Variants in TBC1D12 observed in about 807,000 individuals in gnomAD.
TBC1D12 encodes TBC1 domain family, member 12.
In TBC1D12, 56 loss-of-function variants were observed where a neutral mutation model predicts 86.7. The ratio of observed to expected loss-of-function variants is 0.65; its 90% CI spans 0.52 to 0.81. The LOEUF (loss-of-function observed/expected upper bound fraction) is 0.81, where lower values mean the gene tolerates loss of function less well. TBC1D12 is among the 30% of genes least tolerant of loss of function. The pLI is 0.00. For synonymous variants in TBC1D12, 421 were observed against 411.7 expected, an observed-to-expected ratio of 1.02 and a Z score of -0.27; for missense variants, 1,023 against 1,038.8, an observed-to-expected ratio of 0.98 and a Z score of 0.21.
At chr10:94,410,299 C>T (rs1439421908) in intron 1 of TBC1D12, among the ~76,000 whole-genome samples, 1 of 152,150 alleles carries the variant, frequency 6.6e-6, no homozygotes, top group African/African-American at 2.4e-5. Context: ...GCAGTATTTA[C>T]AAGATTTAAA....
At chr10:94,477,218 C>T (rs1313966552) in intron 3 of TBC1D12, among the ~76,000 whole-genome samples, 1 of 152,042 alleles carries the variant, frequency 6.6e-6, no homozygotes, top group African/African-American at 2.4e-5. Context: ...TCTAGTGTTC[C>T]ACCCAACACT....
intron 9 of TBC1D12, among the ~76,000 whole-genome samples, chr10:94,515,035 G>T (rs1251893491): frequency 4.8e-5 from 7 of 147,224 alleles, no homozygotes; most frequent in African/African-American, 1.2e-4. Context: ...AGCCTCCCAA[G>T]TAGCTGGGAC....
At chr10:94,482,555 A>G (rs937801709) in intron 3 of TBC1D12, among the ~76,000 whole-genome samples, 4 of 151,814 alleles carry the variant, frequency 2.6e-5, no homozygotes, top group African/African-American at 7.3e-5. Context: ...GGTTCAAGCA[A>G]TTCTCCTGCC....
chr10:94,531,893 T>TATGTC (rs1842441879), intron 12 of TBC1D12, among the ~76,000 whole-genome samples: 1 of 151,380 alleles, frequency 6.6e-6, no homozygotes. Flanking sequence ...TATGTTATGT[T>TATGTC]ATGTTATGTT....
chr10:94,480,298 A>G (rs902921213), intron 3 of TBC1D12, among the ~76,000 whole-genome samples: 3 of 152,164 alleles, frequency 2.0e-5, no homozygotes, highest in African/African-American at 7.2e-5. Flanking sequence ...CCTCATTCAA[A>G]GGATTCTGGG....
intron 2 of TBC1D12, among the ~76,000 whole-genome samples, chr10:94,443,907 C>G (rs997199522): frequency 6.6e-6 from 1 of 152,122 alleles, no homozygotes; most frequent in Non-Finnish European, 1.5e-5. Flanking sequence ...TAGTGGCTCA[C>G]GCCTGTAATC....
intron 1 of TBC1D12, among the ~76,000 whole-genome samples, chr10:94,409,058 T>C (rs1176094286): frequency 2.0e-5 from 3 of 152,196 alleles, no homozygotes; most frequent in Non-Finnish European, 2.9e-5. Flanking sequence ...ACCATTATGT[T>C]AAATTGGGGA....
intron 6 of TBC1D12, among the ~76,000 whole-genome samples, chr10:94,505,895 A>T (rs1357180317): frequency 6.6e-6 from 1 of 152,102 alleles, no homozygotes; most frequent in Non-Finnish European, 1.5e-5. Flanking sequence ...TTGCCACTTT[A>T]ATTTTTTTAA....
At chr10:94,469,669 C>T (rs543298653) in intron 2 of TBC1D12, among the ~76,000 whole-genome samples, 2 of 152,126 alleles carry the variant, frequency 1.3e-5, no homozygotes, top group East Asian at 1.9e-4. Flanking sequence ...AGGCTGGTCT[C>T]GAACTCCTGA....
chr10:94,468,432 G>A (rs1312831654), intron 2 of TBC1D12, among the ~76,000 whole-genome samples: 1 of 152,080 alleles, frequency 6.6e-6, no homozygotes, highest in Non-Finnish European at 1.5e-5. Flanking sequence ...ACTTATGAAA[G>A]ATATTTCCTC....
intron 1 of TBC1D12, among the ~76,000 whole-genome samples, chr10:94,413,905 T>C (rs1000826366): frequency 3.3e-5 from 5 of 152,184 alleles, no homozygotes; most frequent in Non-Finnish European, 5.9e-5. Flanking sequence ...TCCCAAGTAC[T>C]GTAATGTACA....
At position 94,403,491 on chromosome 10, in the gene TBC1D12, G is replaced by A. The variant is rs564999488; in HGVS notation, c.878G>A (p.Gly293Glu). The change falls in exon 1 of 13, where the codon GGG (glycine) becomes GAG (glutamate). Residue 293 changes from glycine to glutamate, a missense_variant. Coordinates refer to ENST00000225235, the MANE Select transcript of TBC1D12 (RefSeq NM_015188.2). The part of the protein sequence containing the change: ...QSARDHLPPA[G>E]PPVPLPAAEQ... ...GCCCGCGATCACCTGCCCCCGGCGG[G>A]GCCGCCGGTGCCCTTGCCCGCCGCG... 2 of 1,543,856 alleles carry A rather than the reference G, an allele frequency of 1.3e-6. No homozygotes were observed. Among genetic ancestry groups the A allele is most frequent in the East Asian group, 5.1e-5 (2 of 39,438 alleles).
At chr10:94,454,946 C>T (rs1358314032) in intron 2 of TBC1D12, among the ~76,000 whole-genome samples, 2 of 152,188 alleles carry the variant, frequency 1.3e-5, no homozygotes, top group Non-Finnish European at 2.9e-5. Flanking sequence ...GGGATATCCT[C>T]GCCTTGTTCC....
intron 2 of TBC1D12, among the ~76,000 whole-genome samples, chr10:94,456,282 C>T (rs1409602055): frequency 1.3e-5 from 2 of 151,966 alleles, no homozygotes; most frequent in Non-Finnish European, 2.9e-5. Context: ...TTAGATCTTT[C>T]TTCTTTTCTC....
intron 1 of TBC1D12, among the ~76,000 whole-genome samples, chr10:94,407,802 T>C (rs2054877521): frequency 6.6e-6 from 1 of 152,158 alleles, no homozygotes; most frequent in African/African-American, 2.4e-5. Flanking sequence ...TGTTACTCTT[T>C]TTAAAAAATA....
chr10:94,492,293 C>T (rs2056256433), intron 3 of TBC1D12, among the ~76,000 whole-genome samples: 1 of 152,140 alleles, frequency 6.6e-6, no homozygotes, highest in South Asian at 2.1e-4. Context: ...TAAGGGGGGA[C>T]TACTATGTAT....
Position 94,403,604 on chromosome 10 carries a change from G to A in TBC1D12, c.971+20G>A, listed in dbSNP as rs2054804365. ...CACCAGGTACAGCGCAGGCTGCATG[G>A]GACTCGGGGCGGGTCCGGGGCCGGG... On this transcript the variant is annotated intron_variant, in intron 1 of 12. Coordinates refer to ENST00000225235, the MANE Select transcript of TBC1D12 (RefSeq NM_015188.2). 1 of 1,438,340 alleles carries A rather than the reference G, an allele frequency of 7.0e-7. No homozygotes were observed. Among genetic ancestry groups the A allele is most frequent in the Non-Finnish European group, 9.1e-7 (1 of 1,103,890 alleles). The allele number at this position is 1,438,340 out of a possible 1,614,324, so 89.1% of individuals were successfully genotyped here. A position where few individuals can be genotyped will look rare whatever the true frequency, so the allele number is the denominator to read the frequency against.
chr10:94,407,205 T>C (rs2054866259), intron 1 of TBC1D12, among the ~76,000 whole-genome samples: 1 of 152,218 alleles, frequency 6.6e-6, no homozygotes, highest in African/African-American at 2.4e-5. Context: ...CTGCTTTCAT[T>C]TGGAGGGCCT....
At chr10:94,448,106 G>A (rs2055497218) in intron 2 of TBC1D12, among the ~76,000 whole-genome samples, 1 of 152,028 alleles carries the variant, frequency 6.6e-6, no homozygotes, top group African/African-American at 2.4e-5. Context: ...AAGGAAAAAA[G>A]TTGTAAGATA....
Sources: allele counts gnomAD v4.1 joint callset (sites outside exome capture counted in the v4.1 genomes callset), GRCh38; gene constraint gnomAD v4.1.1; transcripts MANE v1.5; gene names NCBI Gene and HGNC (gene_info 2026-07-23, HGNC 2026-07-21).